The following CMTM4 variants were observed in gnomAD, a reference collection of about 807,000 sequenced individuals.
CMTM4 encodes CKLF-like MARVEL transmembrane domain-containing protein 4.
In CMTM4, 8 loss-of-function variants were observed where a neutral mutation model predicts 19.0. The ratio of observed to expected loss-of-function variants is 0.42; its 90% CI spans 0.25 to 0.76. The LOEUF (loss-of-function observed/expected upper bound fraction) is 0.76, where lower values mean the gene tolerates loss of function less well. Ranked by LOEUF, CMTM4 falls within the 30% of genes least tolerant of loss-of-function variation. CMTM4 has a pLI of 0.27. For missense variants in CMTM4, 228 were observed against 290.2 expected (o/e 0.79, Z 1.56); for synonymous variants, 106 against 121.1 (o/e 0.88, Z 0.82).
chr16:66,691,677 G>T (rs889436097), intron 1 of CMTM4, among the ~76,000 whole-genome samples: 1 of 152,098 alleles, frequency 6.6e-6, no homozygotes, highest in African/African-American at 2.4e-5. Flanking sequence ...CTCCAGCCTG[G>T]GCACAGAGCA....
intron 2 of CMTM4, among the ~76,000 whole-genome samples, chr16:66,629,037 A>G (rs1476286962): frequency 6.6e-6 from 1 of 152,102 alleles, no homozygotes; most frequent in African/African-American, 2.4e-5. Context: ...TTGTTTTACA[A>G]TAAGCACTTA....
At chr16:66,689,581 A>AT (rs1255750185) in intron 1 of CMTM4, among the ~76,000 whole-genome samples, 2 of 151,972 alleles carry the variant, frequency 1.3e-5, no homozygotes, top group East Asian at 1.9e-4. Context: ...TAATTTTTGT[A>AT]TTTTTTGTAG....
chr16:66,659,982 C>T (rs547383260), intron 1 of CMTM4, among the ~76,000 whole-genome samples: 1 of 152,216 alleles, frequency 6.6e-6, no homozygotes, highest in African/African-American at 2.4e-5. Flanking sequence ...TAAGAAACAA[C>T]CCAATTAAAA....
chr16:66,600,566 T>C, the CMTM4 span, among the ~76,000 whole-genome samples: 1 of 152,132 alleles, frequency 6.6e-6, no homozygotes, highest in Non-Finnish European at 1.5e-5. Context: ...CCTCCCAGTC[T>C]AGCCCTGCCC....
chr16:66,623,565 C>G, intron 2 of CMTM4, 63 bp from the exon 3 acceptor site: 1 of 1,238,586 alleles, frequency 8.1e-7, no homozygotes, highest in Non-Finnish European at 1.1e-6. Context: ...CTAAAAGCAA[C>G]TGGAGAACTT....
intron 1 of CMTM4, among the ~76,000 whole-genome samples, chr16:66,688,329 T>C (rs1264762779): frequency 6.6e-6 from 1 of 152,164 alleles, no homozygotes; most frequent in Non-Finnish European, 1.5e-5. Context: ...TTTGATGACG[T>C]GGTGTCTTGA....
At position 66,674,024 on chromosome 16, in the gene CMTM4, T is replaced by C. The variant is rs117409223; in HGVS notation, c.186+22316A>G. On this transcript the variant is annotated intron_variant, in intron 1 of 3. Coordinates refer to ENST00000394106, the MANE Select transcript of CMTM4 (RefSeq NM_181521.3). ...ATCAGCCCCTGCCAGACAAGCTTGG[T>C]GGGCAGATCCCTCTCATGCCCAGTT... is the stretch of plus-strand genomic sequence containing the variant. Among the ~76,000 whole-genome samples, 6 of 152,230 alleles carry C rather than the reference T, an allele frequency of 3.9e-5. No homozygotes were observed. In the East Asian group the frequency reaches 1.2e-3, roughly 29 times the overall value.
intron 1 of CMTM4, among the ~76,000 whole-genome samples, chr16:66,658,761 T>C (rs902960029): frequency 6.6e-6 from 1 of 151,914 alleles, no homozygotes; most frequent in Admixed American, 6.6e-5. Flanking sequence ...AAGCCAAAAA[T>C]GTCTCCAGAT....
chr16:66,681,998 C>G lies in CMTM4; in HGVS notation c.186+14342G>C, dbSNP rs142448603. Among the ~76,000 whole-genome samples the G allele has an allele frequency of 1.8e-3, 281 of 152,318 alleles. 1 individual carries two copies. Among genetic ancestry groups the G allele is most frequent in the African/African-American group, 6.4e-3 (264 of 41,572 alleles). ...ATGGCCACAAGTGCTTCCTGCCAAG[C>G]CCACTATCGCCAGGCCTCTATCACA... On this transcript the variant is annotated intron_variant, in intron 1 of 3. Coordinates refer to ENST00000394106, the MANE Select transcript of CMTM4 (RefSeq NM_181521.3).
Position 66,619,668 on chromosome 16 carries a change from C to T in CMTM4, c.*2390G>A, listed in dbSNP as rs575677168. On this transcript the variant is annotated 3_prime_UTR_variant, in exon 4 of 4. Coordinates refer to ENST00000394106, the MANE Select transcript of CMTM4 (RefSeq NM_181521.3). ...ATTCCCTCCAGAACTTTCGTCACCA[C>T]GTGGTCTATACATGATGACATGTGC... 18 of 985,372 alleles carry T rather than the reference C, an allele frequency of 1.8e-5. No individual in the cohort carries two copies. The highest frequency in any genetic ancestry group is 1.1e-4 in the East Asian group (1 of 8,810). The allele number at this position is 985,372 out of a possible 1,614,324, so 61.0% of individuals were successfully genotyped here.
In CMTM4 at chr16:66,622,437, G is replaced by A. The variant is rs1416206266; in HGVS notation, c.463-215C>T. The stretch of plus-strand genomic sequence containing the variant: ...ATGACGGGGTGGCTCAGAGTCAAAG[G>A]GAAGCCTGTGCCCAGCCCTGCTGGA... On this transcript the variant is annotated intron_variant, in intron 3 of 3. Transcript: ENST00000394106. This position sits in a 1 kb window ranked among gnomAD's most constrained non-coding sequence, Gnocchi z 4.0. 6.6e-6 allele frequency among the ~76,000 whole-genome samples: 1 copy of A among 152,140 alleles called. No individual in the cohort carries two copies. The highest frequency in any genetic ancestry group is 1.5e-5 in the Non-Finnish European group (1 of 68,034).
At chr16:66,604,053 A>T in the CMTM4 span, 414 of 150,792 alleles carry the variant, frequency 2.7e-3, 4 homozygotes, top group African/African-American at 9.4e-3. Context: ...TGTGTGTGTG[A>T]GAGAGAGAGA....
Position 66,622,192 on chromosome 16 carries a change from C to A in CMTM4, c.493G>T (p.Ala165Ser), listed in dbSNP as rs1357724920. The change falls in exon 4 of 4, where the codon GCA becomes TCA. Residue 165 changes from alanine (A) to serine (S), a missense_variant. By Grantham distance (99) the Ala-to-Ser change is moderately conservative. This residue lies in a region of CMTM4 where 200 missense variants were observed against 226.6 expected (regional missense o/e 0.88). Transcript: ENST00000394106. This position sits in a 1 kb window ranked among gnomAD's most constrained non-coding sequence, Gnocchi z 4.0. ...TGCACTGCCAGGAATGTGTTCACTG[C>A]ATATGCCGCAGTCGCCAAGAAGCCA... ...IFGFLATAAY[A>S]VNTFLAVQKW... is the part of the protein sequence containing the mutation. The A allele has an allele frequency of 6.2e-7, 1 of 1,614,010 alleles. No individual in the cohort carries two copies. The highest frequency in any genetic ancestry group is 8.5e-7 in the Non-Finnish European group (1 of 1,180,008).
chr16:66,604,715 C>A, the CMTM4 span: 2 of 1,025,138 alleles, frequency 2.0e-6, no homozygotes, highest in Admixed American at 4.5e-5. Flanking sequence ...GTGTCGCCTG[C>A]CCTCCTTCCG....
chr16:66,687,351 T>C (rs1333924334), intron 1 of CMTM4, among the ~76,000 whole-genome samples: 2 of 152,110 alleles, frequency 1.3e-5, no homozygotes, highest in Non-Finnish European at 2.9e-5. Context: ...AATTTTTGAA[T>C]AGAAGGTACT....
chr16:66,636,564 T>C lies in CMTM4; in HGVS notation c.204A>G (p.Ala68=), dbSNP rs1474023283. 3 of 1,614,102 alleles carry C rather than the reference T, an allele frequency of 1.9e-6. No individual in the cohort carries two copies. Among genetic ancestry groups the C allele is most frequent in the Non-Finnish European group, 2.5e-6 (3 of 1,179,988 alleles). Residue 68 remains alanine, a synonymous_variant, in exon 2 of 4, where the codon GCA becomes GCG. Transcript: ENST00000394106. ...KVAQVILALI[A]FICIETIMAC... ...CCATGATGGTCTCTATGCAGATGAATGCAATCAGGGCCAAGATCTAGGAAG... is the reference window on the plus strand; with the variant it reads ...CCATGATGGTCTCTATGCAGATGAACGCAATCAGGGCCAAGATCTAGGAAG...
intron 1 of CMTM4, among the ~76,000 whole-genome samples, chr16:66,652,893 CTG>C (rs2016336170): frequency 6.6e-6 from 1 of 152,184 alleles, no homozygotes; most frequent in African/African-American, 2.4e-5. Flanking sequence ...GAATGCTACC[CTG>C]CTCAAAAAGT....
At chr16:66,676,071 T>G (rs527536080) in intron 1 of CMTM4, among the ~76,000 whole-genome samples, 3 of 152,162 alleles carry the variant, frequency 2.0e-5, no homozygotes, top group African/African-American at 7.2e-5. Flanking sequence ...GTAGACAAAT[T>G]TGCTGTCAAA....
At chr16:66,611,314 A>C (rs553670808), downstream of CMTM4, among the ~76,000 whole-genome samples, 2 of 152,118 alleles carry the variant, frequency 1.3e-5, no homozygotes, top group East Asian at 3.9e-4. Context: ...TCAGCCAGGC[A>C]TGGTGGTGCC....
Sources: allele counts gnomAD v4.1 joint callset (sites outside exome capture counted in the v4.1 genomes callset), GRCh38; gene constraint gnomAD v4.1.1; regional missense constraint gnomAD v4.1.1; non-coding constraint Gnocchi (gnomAD v3.1); transcripts MANE v1.5; gene names NCBI Gene and HGNC (gene_info 2026-07-23, HGNC 2026-07-21).